Variants in ZPBP observed in about 807,000 individuals in gnomAD.
ZPBP encodes zona pellucida binding protein, also known as zona pellucida-binding protein 1.
Under a neutral mutation model 44.8 loss-of-function variants are expected in ZPBP, and 26 were observed. The observed-to-expected ratio is 0.58, with a 90% CI of 0.43 to 0.81. The LOEUF is 0.81. Among genes scored for constraint, ZPBP ranks in the 30% least tolerant of loss-of-function variants. The pLI, the probability that ZPBP is intolerant of heterozygous loss-of-function variation, is 0.00. For missense variants in ZPBP, 409 were observed against 434.0 expected (o/e 0.94, Z 0.51); for synonymous variants, 174 against 153.2 (o/e 1.14, Z -1.00).
chr7:50,005,022 A>G (rs923082320), intron 6 of ZPBP, among the ~76,000 whole-genome samples: 1 of 126,260 alleles, frequency 7.9e-6, no homozygotes, highest in Non-Finnish European at 1.7e-5. Context: ...GTCAAAGAAA[A>G]CAACTGAATC....
chr7:50,032,586 T>C (rs921586913), intron 4 of ZPBP, among the ~76,000 whole-genome samples: 3 of 152,192 alleles, frequency 2.0e-5, no homozygotes, highest in Admixed American at 6.5e-5. Flanking sequence ...AGAGTTAACG[T>C]TGCAGGTGGG....
intron 4 of ZPBP, among the ~76,000 whole-genome samples, chr7:50,048,500 T>G (rs1458907268): frequency 6.6e-6 from 1 of 152,122 alleles, no homozygotes; most frequent in Non-Finnish European, 1.5e-5. Flanking sequence ...CCAAATTATT[T>G]TCTCTGATAA....
chr7:49,858,255 C>T (rs751738645), intron 2 of ZPBP, among the ~76,000 whole-genome samples: 4 of 152,002 alleles, frequency 2.6e-5, no homozygotes, highest in African/African-American at 4.8e-5. Context: ...CACATGCACA[C>T]GTATGTTTAT....
chr7:50,060,091 G>A (rs898350820), intron 3 of ZPBP, among the ~76,000 whole-genome samples: 8 of 152,164 alleles, frequency 5.3e-5, no homozygotes, highest in African/African-American at 1.9e-4. Context: ...TGGCTTCTGG[G>A]GAAGGGATAA....
chr7:49,987,437 C>T (rs1797341741), intron 6 of ZPBP, among the ~76,000 whole-genome samples: 1 of 152,050 alleles, frequency 6.6e-6, no homozygotes, highest in Non-Finnish European at 1.5e-5. Context: ...GCCTGGGAAT[C>T]CTTGGGAAAA....
intron 6 of ZPBP, among the ~76,000 whole-genome samples, chr7:49,984,737 G>C (rs1018125814): frequency 2.6e-5 from 4 of 152,120 alleles, no homozygotes; most frequent in African/African-American, 9.7e-5. Context: ...ACTGGTCCGA[G>C]GCCTGGGGAT....
intron 4 of ZPBP, among the ~76,000 whole-genome samples, chr7:50,032,984 T>C (rs1799670022): frequency 6.6e-6 from 1 of 152,182 alleles, no homozygotes; most frequent in Admixed American, 6.5e-5. Context: ...ATTGCTAATC[T>C]AACATGAAGC....
At chr7:50,010,013 C>A (rs556934870) in intron 6 of ZPBP, among the ~76,000 whole-genome samples, 1 of 152,154 alleles carries the variant, frequency 6.6e-6, no homozygotes, top group East Asian at 1.9e-4. Flanking sequence ...AGAGACATAT[C>A]ATGTTCATGG....
chr7:49,978,088 T>G lies in ZPBP; in HGVS notation c.961+5254A>C, dbSNP rs574119011. On this transcript the variant is annotated intron_variant, in intron 7 of 7. Transcript: ENST00000046087. ...GTTTGTTTTTGGTTTTTTGTTTTTT[T>G]TTTTTTGAAAAACTAGCAGAAATAA... Among the ~76,000 whole-genome samples the G allele has an allele frequency of 6.6e-5, 10 of 151,246 alleles. 1 individual carries two copies. The highest frequency in any genetic ancestry group is 3.9e-4 in the East Asian group (2 of 5,190).
intron 2 of ZPBP, among the ~76,000 whole-genome samples, chr7:49,899,819 G>A (rs1792614928): frequency 6.6e-6 from 1 of 152,074 alleles, no homozygotes; most frequent in South Asian, 2.1e-4. Flanking sequence ...CATGAGTCAA[G>A]TGGATATAAT....
At chr7:50,039,148 T>C (rs1448971272) in intron 4 of ZPBP, among the ~76,000 whole-genome samples, 2 of 152,142 alleles carry the variant, frequency 1.3e-5, no homozygotes, top group Non-Finnish European at 1.5e-5. Context: ...TAATTCATTA[T>C]AAATATGTTA....
intron 7 of ZPBP, among the ~76,000 whole-genome samples, chr7:49,970,547 A>C (rs138389574): frequency 2.1e-5 from 3 of 144,058 alleles, no homozygotes; most frequent in African/African-American, 7.8e-5. Flanking sequence ...TTCAGGATAG[A>C]TCATGTGCTT....
chr7:50,057,861 G>T, intron 4 of ZPBP, 128 bp downstream of exon 4: 1 of 815,898 alleles, frequency 1.2e-6, no homozygotes, highest in Non-Finnish European at 1.9e-6. Flanking sequence ...ACATAGGGAG[G>T]CAGTAATTCT....
intron 2 of ZPBP, among the ~76,000 whole-genome samples, chr7:49,852,448 T>C (rs692270): frequency 0.89 from 136,217 of 152,264 alleles, 61,092 homozygotes; most frequent in African/African-American, 0.94. Context: ...GAAATCTGAT[T>C]TGTGCATGGC....
At chr7:49,973,763 G>A (rs1000091225) in intron 7 of ZPBP, among the ~76,000 whole-genome samples, 1 of 152,040 alleles carries the variant, frequency 6.6e-6, no homozygotes, top group Non-Finnish European at 1.5e-5. Flanking sequence ...CAGCTGTTGT[G>A]GAAAAGTTTG....
intron 1 of ZPBP, chr7:49,920,286 T>C (rs1447925987): frequency 6.6e-6 from 1 of 152,228 alleles, no homozygotes; most frequent in Non-Finnish European, 1.5e-5. Flanking sequence ...ATAAAAGTGG[T>C]ATTTGGATGA....
chr7:50,009,259 T>G (rs1798460960), intron 6 of ZPBP, among the ~76,000 whole-genome samples: 1 of 146,170 alleles, frequency 6.8e-6, no homozygotes, highest in African/African-American at 2.5e-5. Flanking sequence ...AAGCACATAC[T>G]GATTGGGTAT....
intron 2 of ZPBP, among the ~76,000 whole-genome samples, chr7:49,857,697 TGG>T (rs888811813): frequency 6.6e-6 from 1 of 152,074 alleles, no homozygotes; most frequent in African/African-American, 2.4e-5. Context: ...TGACTCTTGG[TGG>T]GAATGCAAAA....
intron 1 of ZPBP, among the ~76,000 whole-genome samples, chr7:49,924,164 G>A (rs958005256): frequency 1.4e-5 from 2 of 147,436 alleles, no homozygotes; most frequent in African/African-American, 5.2e-5. Context: ...TAATAACAAC[G>A]TTATAAAATG....
Sources: allele counts gnomAD v4.1 joint callset (sites outside exome capture counted in the v4.1 genomes callset), GRCh38; gene constraint gnomAD v4.1.1; transcripts MANE v1.5; gene names NCBI Gene and HGNC (gene_info 2026-07-23, HGNC 2026-07-21).